Variants in DNAH8 observed in about 807,000 individuals in gnomAD.
DNAH8 encodes the protein dynein axonemal heavy chain 8.
DNAH8 carries 382 observed loss-of-function variants against 562.1 expected under a neutral mutation model. That is an observed-to-expected ratio of 0.68 (90% CI 0.63 to 0.74). The LOEUF (loss-of-function observed/expected upper bound fraction) is 0.74, where lower values mean the gene tolerates loss of function less well. Ranked by LOEUF, DNAH8 falls within the 30% of genes least tolerant of loss-of-function variation. DNAH8 has a pLI of 0.00. For missense variants in DNAH8, 5,203 were observed against 5,620.4 expected, an observed-to-expected ratio of 0.93 and a Z score of 2.37; for synonymous variants, 1,881 against 1,919.4, an observed-to-expected ratio of 0.98 and a Z score of 0.52.
intron 36 of DNAH8, among the ~76,000 whole-genome samples, chr6:38,848,444 A>G (rs775067427): frequency 6.6e-6 from 1 of 152,208 alleles, no homozygotes; most frequent in African/African-American, 2.4e-5. Flanking sequence ...CATGGGAACA[A>G]TAAGTAAAAT....
intron 48 of DNAH8, 135 bp downstream of exon 48, chr6:38,868,331 C>A: frequency 1.2e-6 from 1 of 864,750 alleles, no homozygotes; most frequent in Non-Finnish European, 1.7e-6. Context: ...AAAGCTACCA[C>A]TGTGCTTCCA....
At chr6:38,823,127 C>T in intron 27 of DNAH8, 93 bp downstream of exon 27, 1 of 1,170,788 alleles carries the variant, frequency 8.5e-7, no homozygotes, top group Non-Finnish European at 1.2e-6. Context: ...ATGACAGGAA[C>T]CCATGAGCAG....
rs183423275 is a variant in DNAH8 at position 38,716,044 on chromosome 6, T to C, written c.-35+629T>C. On this transcript the variant is annotated intron_variant, in intron 1 of 92. Coordinates refer to ENST00000327475, the MANE Select transcript of DNAH8 (RefSeq NM_001206927.2). ...TGCGATCTCGGCTCACTGCAATTTC[T>C]GCCTCCCTGGTTCAAGCCATTCTCC... 4.3e-3 allele frequency among the ~76,000 whole-genome samples: 621 copies of C among 144,704 alleles called. 4 individuals are homozygous for C. The highest frequency in any genetic ancestry group is 0.015 in the African/African-American group (571 of 37,952). 94.9% of individuals were successfully genotyped at this position (144,704 alleles called of 152,430 possible).
chr6:38,760,319 A>G (rs921112235), intron 10 of DNAH8, among the ~76,000 whole-genome samples: 4 of 152,178 alleles, frequency 2.6e-5, no homozygotes, highest in Non-Finnish European at 5.9e-5. Context: ...ATATTGCTCA[A>G]TCATTGTCTA....
chr6:38,717,526 T>C (rs955425780), intron 1 of DNAH8, among the ~76,000 whole-genome samples: 3 of 151,768 alleles, frequency 2.0e-5, no homozygotes, highest in Non-Finnish European at 4.4e-5. Context: ...GGTTTCTCCA[T>C]GTTGCCCAGG....
At chr6:38,735,757 A>G (rs1197249562) in intron 5 of DNAH8, among the ~76,000 whole-genome samples, 1 of 152,208 alleles carries the variant, frequency 6.6e-6, no homozygotes, top group African/African-American at 2.4e-5. Flanking sequence ...TATTCTCCAG[A>G]AGCAACTATT....
At chr6:38,829,673 A>G (rs1173048590) in intron 30 of DNAH8, among the ~76,000 whole-genome samples, 1 of 152,162 alleles carries the variant, frequency 6.6e-6, no homozygotes, top group African/African-American at 2.4e-5. Context: ...CAGACTCTCA[A>G]TTTCTATTCT....
intron 42 of DNAH8, among the ~76,000 whole-genome samples, chr6:38,858,753 T>C (rs1209440485): frequency 6.6e-6 from 1 of 152,246 alleles, no homozygotes; most frequent in Non-Finnish European, 1.5e-5. Flanking sequence ...TATATTGTTT[T>C]GGCCTTCCAC....
chr6:38,891,255 T>C (rs548133588), intron 58 of DNAH8, among the ~76,000 whole-genome samples: 1 of 152,210 alleles, frequency 6.6e-6, no homozygotes, highest in Non-Finnish European at 1.5e-5. Flanking sequence ...TAGATTTGCA[T>C]ACACAAGTCA....
At chr6:38,847,186 G>A (rs1775368028) in intron 36 of DNAH8, among the ~76,000 whole-genome samples, 1 of 152,176 alleles carries the variant, frequency 6.6e-6, no homozygotes, top group Non-Finnish European at 1.5e-5. Context: ...GACTTCATGG[G>A]CCATGGTGGG....
At chr6:38,720,522 C>T (rs6458066) in intron 1 of DNAH8, among the ~76,000 whole-genome samples, 135,807 of 152,216 alleles carry the variant, frequency 0.89, 60,809 homozygotes, top group East Asian at 1. Flanking sequence ...AGGCTTAAGC[C>T]GACATCTAGT....
intron 5 of DNAH8, among the ~76,000 whole-genome samples, chr6:38,735,367 C>T (rs1668293690): frequency 6.6e-6 from 1 of 152,122 alleles, no homozygotes; most frequent in Non-Finnish European, 1.5e-5. Context: ...TTGAAGAGAG[C>T]TTGTTTAGCT....
intron 52 of DNAH8, among the ~76,000 whole-genome samples, chr6:38,874,084 C>CTTTT (rs1486362712): frequency 9.7e-6 from 1 of 103,202 alleles, no homozygotes; most frequent in South Asian, 3.5e-4. Context: ...TTCTTTCTTT[C>CTTTT]TTTCTTTCTT....
chr6:39,016,106 A>T (rs1766548226), intron 91 of DNAH8, among the ~76,000 whole-genome samples: 1 of 152,174 alleles, frequency 6.6e-6, no homozygotes, highest in South Asian at 2.1e-4. Context: ...GTCCTTTCCC[A>T]CTGGAAGCCT....
At chr6:38,767,370 T>C (rs1268018991) in intron 11 of DNAH8, among the ~76,000 whole-genome samples, 1 of 150,530 alleles carries the variant, frequency 6.6e-6, no homozygotes, top group Non-Finnish European at 1.5e-5. Flanking sequence ...CTGGGAGGCG[T>C]AGATTGCAGT....
intron 87 of DNAH8, among the ~76,000 whole-genome samples, chr6:38,986,636 GGAGTTTTAGCA>G (rs1211569945): frequency 1.3e-5 from 2 of 152,212 alleles, no homozygotes; most frequent in Non-Finnish European, 2.9e-5. Flanking sequence ...ATCTAAAATT[GGAGTTTTAGCA>G]GCAGAGACTA....
intron 80 of DNAH8, among the ~76,000 whole-genome samples, chr6:38,947,326 A>C (rs1761511951): frequency 6.6e-6 from 1 of 152,200 alleles, no homozygotes; most frequent in Non-Finnish European, 1.5e-5. Flanking sequence ...GGGAGGAAGC[A>C]GAAGATCAAT....
At chr6:38,990,215 C>G (rs762832544) in intron 88 of DNAH8, 43 bp downstream of exon 88, 2 of 1,346,210 alleles carry the variant, frequency 1.5e-6, no homozygotes, top group East Asian at 2.3e-5. Flanking sequence ...TCATTTGTAA[C>G]TCAGTCTGGC....
intron 87 of DNAH8, among the ~76,000 whole-genome samples, chr6:38,986,331 C>A (rs1764395557): frequency 6.6e-6 from 1 of 151,876 alleles, no homozygotes. Context: ...GTGTTGAGTG[C>A]AGAGCTTTAA....
Sources: gnomAD v4.1 joint callset for allele counts (sites outside exome capture counted in the v4.1 genomes callset) on GRCh38, gnomAD v4.1.1 for gene constraint, MANE v1.5 for transcripts, NCBI Gene and HGNC (gene_info 2026-07-23, HGNC 2026-07-21) for gene names.